CTNND2: variants seen among roughly 807,000 people sequenced by gnomAD.
CTNND2 encodes the protein catenin delta-2.
A neutral mutation model predicts 144.4 loss-of-function variants in CTNND2; 22 were observed. That is an observed-to-expected ratio of 0.15 (90% confidence interval 0.11 to 0.22). The LOEUF is 0.22. CTNND2 is among the 10% of genes least tolerant of loss of function. The pLI, the probability that CTNND2 is intolerant of heterozygous loss-of-function variation, is 1.00. For missense variants in CTNND2, 1,353 were observed against 1,618.8 expected (o/e 0.84, Z 2.82); for synonymous variants, 751 against 695.6 (o/e 1.08, Z -1.25).
chr5:11,725,594 T>C (rs1399040165), intron 2 of CTNND2, among the ~76,000 whole-genome samples: 1 of 152,092 alleles, frequency 6.6e-6, no homozygotes, highest in African/African-American at 2.4e-5. Flanking sequence ...TGAGGTTGTG[T>C]AGTGTAGTGG....
intron 9 of CTNND2, among the ~76,000 whole-genome samples, chr5:11,281,687 C>A (rs990692813): frequency 3.3e-5 from 5 of 152,234 alleles, no homozygotes; most frequent in Non-Finnish European, 7.3e-5. Context: ...TTGCAGCTGA[C>A]TGCCTCCTCC....
chr5:11,448,795 A>C (rs921653998), intron 3 of CTNND2, among the ~76,000 whole-genome samples: 8 of 152,038 alleles, frequency 5.3e-5, no homozygotes, highest in African/African-American at 1.9e-4. Flanking sequence ...CAGCCTCCCA[A>C]AAAGCTGGAA....
At chr5:11,623,073 T>C (rs564031500) in intron 2 of CTNND2, among the ~76,000 whole-genome samples, 21 of 152,272 alleles carry the variant, frequency 1.4e-4, no homozygotes, top group South Asian at 1.2e-3. Context: ...CTGTTGGTCT[T>C]TGATATTTTT....
intron 2 of CTNND2, among the ~76,000 whole-genome samples, chr5:11,720,016 G>A (rs936667485): frequency 6.6e-6 from 1 of 152,118 alleles, no homozygotes; most frequent in African/African-American, 2.4e-5. Context: ...CCACACCCCA[G>A]GCTAAAAAGA....
intron 1 of CTNND2, among the ~76,000 whole-genome samples, chr5:11,790,647 T>C (rs1458160695): frequency 6.6e-6 from 1 of 152,240 alleles, no homozygotes; most frequent in Non-Finnish European, 1.5e-5. Flanking sequence ...CCTTGGTCTC[T>C]GCATGTTGAG....
intron 14 of CTNND2, among the ~76,000 whole-genome samples, chr5:11,102,970 ATTTTTTTTTTTTTT>A (rs778134907): frequency 5.9e-5 from 5 of 84,092 alleles, no homozygotes; most frequent in Middle Eastern, 7.8e-3. Context: ...TATTTAAAAG[ATTTTTTTTTTTTTT>A]TTTTTTTTTT....
intron 21 of CTNND2, among the ~76,000 whole-genome samples, chr5:10,981,491 T>C (rs1466588438): frequency 6.6e-6 from 1 of 152,128 alleles, no homozygotes; most frequent in East Asian, 1.9e-4. Context: ...GGGTTTCTTT[T>C]AGTTTTGCAC....
chr5:11,501,519 A>G (rs1174793587), intron 3 of CTNND2, among the ~76,000 whole-genome samples: 2 of 152,220 alleles, frequency 1.3e-5, no homozygotes, highest in Non-Finnish European at 2.9e-5. Context: ...TCCTTATAAC[A>G]TAAATGGAAA....
intron 2 of CTNND2, among the ~76,000 whole-genome samples, chr5:11,641,550 TG>T (rs1782003537): frequency 6.6e-6 from 1 of 151,246 alleles, no homozygotes; most frequent in African/African-American, 2.4e-5. Context: ...TGCATACATA[TG>T]GGATATGTAC....
At chr5:11,193,874 AG>A (rs957670997) in intron 11 of CTNND2, among the ~76,000 whole-genome samples, 1 of 152,222 alleles carries the variant, frequency 6.6e-6, no homozygotes, top group Non-Finnish European at 1.5e-5. Context: ...TAAATTAGCA[AG>A]GTCACTTGGC....
chr5:11,244,858 G>A (rs1231242805), intron 9 of CTNND2, among the ~76,000 whole-genome samples: 1 of 152,198 alleles, frequency 6.6e-6, no homozygotes, highest in African/African-American at 2.4e-5. Flanking sequence ...GGACTAGAAG[G>A]TGCTCCACCC....
intron 9 of CTNND2, among the ~76,000 whole-genome samples, chr5:11,265,041 A>C (rs1273528699): frequency 6.6e-6 from 1 of 152,226 alleles, no homozygotes; most frequent in Non-Finnish European, 1.5e-5. Flanking sequence ...AATTTTATTA[A>C]ATCAAAAAAA....
At chr5:11,572,316 A>G (rs1376934651) in intron 2 of CTNND2, among the ~76,000 whole-genome samples, 2 of 152,174 alleles carry the variant, frequency 1.3e-5, no homozygotes, top group African/African-American at 2.4e-5. Flanking sequence ...AGAATGTCTG[A>G]AGTCCCATAC....
In CTNND2 at chr5:11,362,532, G is replaced by A. The variant is rs147248595; in HGVS notation, c.1372+2164C>T. ...AGAGGTAGTTTCTCCTCCTCCACTT[G>A]TGGTCCTAAGAGGTCATCCAAGCAC... On this transcript the variant is annotated intron_variant, in intron 8 of 21. Transcript: ENST00000304623. 2.9e-3 allele frequency among the ~76,000 whole-genome samples: 439 copies of A among 152,274 alleles called. 4 individuals carry two copies. The highest frequency in any genetic ancestry group is 0.01 in the African/African-American group (423 of 41,558).
chr5:11,032,183 C>A (rs913941960), intron 16 of CTNND2, among the ~76,000 whole-genome samples: 13 of 152,164 alleles, frequency 8.5e-5, no homozygotes, highest in African/African-American at 3.1e-4. Flanking sequence ...AATCCTCTCC[C>A]GTCTCTGAAT....
At chr5:11,680,268 C>T (rs943045546) in intron 2 of CTNND2, among the ~76,000 whole-genome samples, 2 of 152,122 alleles carry the variant, frequency 1.3e-5, no homozygotes, top group Non-Finnish European at 2.9e-5. Context: ...TACAATAATG[C>T]TAAGGAATTG....
intron 16 of CTNND2, among the ~76,000 whole-genome samples, chr5:11,080,577 T>G (rs1427729275): frequency 6.6e-6 from 1 of 152,136 alleles, no homozygotes; most frequent in Admixed American, 6.5e-5. Context: ...GCAATCTAAG[T>G]GTCCATCAAT....
chr5:11,168,103 AGAC>A (rs1487420189), intron 11 of CTNND2, among the ~76,000 whole-genome samples: 1 of 152,184 alleles, frequency 6.6e-6, no homozygotes, highest in Non-Finnish European at 1.5e-5. Context: ...TACAGACAAA[AGAC>A]TATAATTGAC....
intron 3 of CTNND2, among the ~76,000 whole-genome samples, chr5:11,499,536 CCTT>C (rs1382690571): frequency 2.0e-5 from 3 of 152,228 alleles, no homozygotes; most frequent in Non-Finnish European, 4.4e-5. Context: ...TTTCAACTAT[CCTT>C]CGTTTTTGGC....
Sources: gnomAD v4.1 joint callset for allele counts (sites outside exome capture counted in the v4.1 genomes callset) on GRCh38, gnomAD v4.1.1 for gene constraint, MANE v1.5 for transcripts, NCBI Gene and HGNC (gene_info 2026-07-23, HGNC 2026-07-21) for gene names.